ANKH: variants seen among roughly 807,000 people sequenced by gnomAD.
ANKH encodes the protein ANKH inorganic pyrophosphate transport regulator, also known as mineralization regulator ANKH.
ANKH carries 15 observed loss-of-function variants against 49.0 expected under a neutral mutation model. The observed-to-expected ratio is 0.31, with a 90% confidence interval of 0.20 to 0.47. The LOEUF (loss-of-function observed/expected upper bound fraction) is 0.47. Among genes scored for constraint, ANKH ranks in the 20% least tolerant of loss-of-function variants. The pLI is 1.00. For synonymous variants in ANKH, 273 were observed against 260.0 expected (o/e 1.05, Z -0.48); for missense variants, 429 against 652.0 (o/e 0.66, Z 3.72).
chr5:14,774,392 A>G (rs1739545935), intron 1 of ANKH, among the ~76,000 whole-genome samples: 1 of 152,112 alleles, frequency 6.6e-6, no homozygotes, highest in African/African-American at 2.4e-5. Context: ...TATTGAATAA[A>G]CCATCTGTTG....
intron 1 of ANKH, among the ~76,000 whole-genome samples, chr5:14,779,178 G>C (rs768679757): frequency 3.9e-5 from 6 of 152,186 alleles, no homozygotes; most frequent in African/African-American, 9.6e-5. Flanking sequence ...CCTGACCAGG[G>C]TGAGTGTGGG....
intron 1 of ANKH, among the ~76,000 whole-genome samples, chr5:14,818,363 G>C (rs1396291495): frequency 6.6e-6 from 1 of 151,950 alleles, no homozygotes; most frequent in African/African-American, 2.4e-5. Context: ...GAAGCGGCTG[G>C]GCACAGTGGC....
chr5:14,768,766 A>G, intron 2 of ANKH: 1 of 611,284 alleles, frequency 1.6e-6, no homozygotes, highest in South Asian at 2.0e-5. Context: ...TTTGGGAATC[A>G]GAGACACAAA....
At chr5:14,774,080 A>G (rs1020497521) in intron 1 of ANKH, among the ~76,000 whole-genome samples, 1 of 152,246 alleles carries the variant, frequency 6.6e-6, no homozygotes, top group Non-Finnish European at 1.5e-5. Flanking sequence ...CATGAGCTAC[A>G]TTCATATTAC....
intron 1 of ANKH, among the ~76,000 whole-genome samples, chr5:14,780,968 G>A (rs547550607): frequency 2.6e-5 from 4 of 152,308 alleles, no homozygotes; most frequent in East Asian, 1.9e-4. Context: ...GTGTGGACCC[G>A]TGGAAAAGTC....
intron 1 of ANKH, among the ~76,000 whole-genome samples, chr5:14,861,505 G>A (rs1463872439): frequency 6.6e-6 from 1 of 152,180 alleles, no homozygotes; most frequent in African/African-American, 2.4e-5. Flanking sequence ...CCCCAGCCTG[G>A]AGCCAGAGGT....
chr5:14,795,914 T>C (rs1277820112), intron 1 of ANKH, among the ~76,000 whole-genome samples: 2 of 151,972 alleles, frequency 1.3e-5, no homozygotes, highest in Non-Finnish European at 2.9e-5. Context: ...TATCCTAAGA[T>C]AAGCCCTGAG....
At position 14,707,885 on chromosome 5, in the gene ANKH, A is replaced by T. The variant is rs1041091305; in HGVS notation, c.*3312T>A. ...AGGAAGAGTAACTTTGGCACAAGAC[A>T]AACCCGATGCAGGCAGTCATGGGGG... On this transcript the variant is annotated 3_prime_UTR_variant, in exon 12 of 12. Transcript: ENST00000284268. 1 of 152,192 alleles carries T rather than the reference A, an allele frequency of 6.6e-6. No homozygotes were observed. Among genetic ancestry groups the T allele is most frequent in the Non-Finnish European group, 1.5e-5 (1 of 68,030 alleles). The allele number at this position is 152,192 out of a possible 1,614,324, so 9.4% of individuals were successfully genotyped here. A position where few individuals can be genotyped will look rare whatever the true frequency, so the allele number is the denominator to read the frequency against.
At chr5:14,869,006 T>C (rs1293917802) in intron 1 of ANKH, 1 of 152,214 alleles carries the variant, frequency 6.6e-6, no homozygotes, top group African/African-American at 2.4e-5. Context: ...AAGCCATCAT[T>C]CACTCCCAGC....
chr5:14,805,288 T>C (rs1740670621), intron 1 of ANKH, among the ~76,000 whole-genome samples: 1 of 151,796 alleles, frequency 6.6e-6, no homozygotes, highest in South Asian at 2.1e-4. Context: ...GGACTCGGAC[T>C]GGCTCTCCTT....
intron 1 of ANKH, among the ~76,000 whole-genome samples, chr5:14,815,036 A>G (rs1740991447): frequency 6.6e-6 from 1 of 152,210 alleles, no homozygotes; most frequent in African/African-American, 2.4e-5. Flanking sequence ...GTTCTCACCC[A>G]CCAGCATTGT....
At chr5:14,870,631 A>G (rs1735785291) in intron 1 of ANKH, 1 of 155,242 alleles carries the variant, frequency 6.4e-6, no homozygotes. Context: ...CAGGGTGCCA[A>G]TGCCCCATCG....
At chr5:14,762,040 T>C (rs697574) in intron 2 of ANKH, among the ~76,000 whole-genome samples, 49,184 of 151,934 alleles carry the variant, frequency 0.32, 8,361 homozygotes, top group Admixed American at 0.39. Flanking sequence ...GCTGGGATTA[T>C]AGGCGTTAGT....
rs57904537 is a variant in ANKH at position 14,783,289 on chromosome 5, T to TACACACACACAC, written c.97-14110_97-14099dup. Among the ~76,000 whole-genome samples, 983 of 144,618 alleles carry TACACACACACAC rather than the reference T, an allele frequency of 6.8e-3. 5 individuals carry two copies. The highest frequency in any genetic ancestry group is 0.011 in the Middle Eastern group (3 of 276). The allele number at this position is 144,618 out of a possible 152,430, so 94.9% of individuals were successfully genotyped here. ...GCACAGAAGAGGGTCGCCACCATTC[T>TACACACACACAC]ACACACACACACACACACACACACA... is the stretch of plus-strand genomic sequence containing the variant. On this transcript the variant is annotated intron_variant, in intron 1 of 11. Transcript: ENST00000284268.
chr5:14,799,779 C>T (rs944536224), intron 1 of ANKH, among the ~76,000 whole-genome samples: 8 of 152,148 alleles, frequency 5.3e-5, no homozygotes, highest in African/African-American at 1.4e-4. Flanking sequence ...TGGAGAGGTA[C>T]GAGGAGATTT....
chr5:14,845,367 T>TATATA (rs201739117), intron 1 of ANKH, among the ~76,000 whole-genome samples: 9,957 of 82,802 alleles, frequency 0.12, 478 homozygotes, highest in East Asian at 0.35. Flanking sequence ...TATATATATA[T>TATATA]TTTTTTTTTT....
rs1554006854 is a variant in ANKH at position 14,798,502 on chromosome 5, T to TA, written c.97-29312dup. 4 of 920,632 alleles carry TA rather than the reference T, an allele frequency of 4.3e-6. No individual in the cohort carries two copies. In the African/African-American group the frequency reaches 5.1e-5, roughly 12 times the overall value. The allele number at this position is 920,632 out of a possible 1,614,324, so 57.0% of individuals were successfully genotyped here. A position where few individuals can be genotyped will look rare whatever the true frequency, so the allele number is the denominator to read the frequency against. On this transcript the variant is annotated intron_variant, in intron 1 of 11. Transcript: ENST00000284268. ...CGCACGCGGTCTCTATTTTTTTTTT[T>TA]AATTAACAAATTGAAGGTTTGTGGC...
intron 1 of ANKH, among the ~76,000 whole-genome samples, chr5:14,817,351 G>A (rs573612242): frequency 1.3e-5 from 2 of 152,230 alleles, no homozygotes; most frequent in Admixed American, 1.3e-4. Context: ...GTGGAAATGA[G>A]TGAAATGGAA....
At chr5:14,752,155 T>A (rs889674080) in intron 4 of ANKH, among the ~76,000 whole-genome samples, 3 of 152,082 alleles carry the variant, frequency 2.0e-5, no homozygotes, top group Non-Finnish European at 4.4e-5. Flanking sequence ...AAAAGATTTT[T>A]AAAAATGAGC....
Sources: allele counts gnomAD v4.1 joint callset (sites outside exome capture counted in the v4.1 genomes callset), GRCh38; gene constraint gnomAD v4.1.1; transcripts MANE v1.5; gene names NCBI Gene and HGNC (gene_info 2026-07-23, HGNC 2026-07-21).